MACROD2: variants seen among roughly 807,000 people sequenced by gnomAD.
MACROD2 encodes the protein ADP-ribose glycohydrolase MACROD2.
MACROD2 carries 36 observed loss-of-function variants against 70.4 expected under a neutral mutation model. That is an observed-to-expected ratio of 0.51 (90% CI 0.39 to 0.68). MACROD2 has a LOEUF of 0.68. MACROD2 is among the 30% of genes least tolerant of loss of function. The pLI is 0.00. For synonymous variants in MACROD2, 172 were observed against 178.8 expected (o/e 0.96, Z 0.30); for missense variants, 496 against 538.4 (o/e 0.92, Z 0.78).
intron 5 of MACROD2, among the ~76,000 whole-genome samples, chr20:14,702,916 C>T (rs933181502): frequency 7.9e-5 from 12 of 151,134 alleles, no homozygotes; most frequent in African/African-American, 1.7e-4. Context: ...TTAGTAGAGA[C>T]GGGATTTCAC....
intron 5 of MACROD2, among the ~76,000 whole-genome samples, chr20:14,687,456 G>T (rs969292647): frequency 6.6e-6 from 1 of 152,144 alleles, no homozygotes; most frequent in Admixed American, 6.5e-5. Context: ...TTGAAGACTT[G>T]CACAATACCA....
intron 3 of MACROD2, among the ~76,000 whole-genome samples, chr20:14,429,621 T>C (rs1419374427): frequency 6.6e-6 from 1 of 152,182 alleles, no homozygotes; most frequent in Non-Finnish European, 1.5e-5. Flanking sequence ...TAGCTGTGGA[T>C]GGTTCTTGGC....
Position 15,005,076 on chromosome 20 carries a change from G to A in MACROD2, c.419-224864G>A, listed in dbSNP as rs528174662. On this transcript the variant is annotated intron_variant, in intron 5 of 17. Coordinates refer to ENST00000684519, the MANE Select transcript of MACROD2 (RefSeq NM_001351661.2). ...GATATGAATGATGTAATGAAGTATC[G>A]GTTGAACTAATGAGATGGGAAGCTA... is the stretch of plus-strand genomic sequence containing the variant. 9.2e-5 allele frequency among the ~76,000 whole-genome samples: 14 copies of A among 152,216 alleles called. No homozygotes were observed. The East Asian group carries it at 1.4e-3, about 15-fold the overall frequency.
chr20:14,237,644 A>G (rs1258349326), intron 3 of MACROD2, among the ~76,000 whole-genome samples: 1 of 151,492 alleles, frequency 6.6e-6, no homozygotes, highest in Non-Finnish European at 1.5e-5. Context: ...TGCACCCATT[A>G]ACTTGTCATT....
At chr20:15,601,451 C>T (rs764454038) in intron 8 of MACROD2, among the ~76,000 whole-genome samples, 1 of 151,376 alleles carries the variant, frequency 6.6e-6, no homozygotes, top group African/African-American at 2.5e-5. Flanking sequence ...TTTAAGTTCA[C>T]ACCTTCATGC....
At chr20:14,448,780 C>T (rs541577809) in intron 3 of MACROD2, among the ~76,000 whole-genome samples, 6 of 139,660 alleles carry the variant, frequency 4.3e-5, no homozygotes, top group East Asian at 2.0e-4. Context: ...TCATGCAGTG[C>T]GTTGATTGTG....
intron 8 of MACROD2, among the ~76,000 whole-genome samples, chr20:15,755,804 C>T (rs764100378): frequency 2.0e-5 from 3 of 152,190 alleles, no homozygotes; most frequent in Non-Finnish European, 4.4e-5. Flanking sequence ...CATCAGTCAA[C>T]ATGTCTTCCT....
intron 2 of MACROD2, among the ~76,000 whole-genome samples, chr20:14,071,038 G>A (rs755246213): frequency 6.6e-6 from 1 of 152,172 alleles, no homozygotes; most frequent in African/African-American, 2.4e-5. Context: ...TCAGTACCTG[G>A]TGATGATCCC....
chr20:14,771,269 G>C (rs1388720803), intron 5 of MACROD2, among the ~76,000 whole-genome samples: 1 of 152,030 alleles, frequency 6.6e-6, no homozygotes, highest in Non-Finnish European at 1.5e-5. Context: ...GTAAATGGCA[G>C]ATGGAGTTTT....
chr20:14,518,940 A>G (rs527271996), intron 4 of MACROD2, among the ~76,000 whole-genome samples: 1 of 152,340 alleles, frequency 6.6e-6, no homozygotes, highest in African/African-American at 2.4e-5. Flanking sequence ...TGACATTATG[A>G]AAGCAGAGAA....
At chr20:14,358,283 G>T (rs1429035177) in intron 3 of MACROD2, among the ~76,000 whole-genome samples, 1 of 152,148 alleles carries the variant, frequency 6.6e-6, no homozygotes, top group South Asian at 2.1e-4. Flanking sequence ...AACCTCTCAA[G>T]TAGATTAACT....
intron 6 of MACROD2, among the ~76,000 whole-genome samples, chr20:15,285,452 A>G (rs947845515): frequency 1.3e-5 from 2 of 152,206 alleles, no homozygotes; most frequent in South Asian, 2.1e-4. Context: ...TGCTAGTTCT[A>G]TCAGTGAGTT....
At chr20:15,659,524 C>G (rs1319065484) in intron 8 of MACROD2, among the ~76,000 whole-genome samples, 1 of 151,946 alleles carries the variant, frequency 6.6e-6, no homozygotes, top group East Asian at 1.9e-4. Context: ...GTCGTCTTGA[C>G]CACCTAGAAT....
intron 5 of MACROD2, among the ~76,000 whole-genome samples, chr20:14,960,194 C>T (rs2074571106): frequency 6.6e-6 from 1 of 152,192 alleles, no homozygotes; most frequent in Admixed American, 6.5e-5. Flanking sequence ...TTTGGCTCTT[C>T]TCCACACCCT....
chr20:15,549,716 C>T (rs1310998348), intron 8 of MACROD2, among the ~76,000 whole-genome samples: 2 of 152,144 alleles, frequency 1.3e-5, no homozygotes, highest in Non-Finnish European at 2.9e-5. Flanking sequence ...GTCGTCATAT[C>T]CTATAATCGA....
At chr20:15,297,687 C>A (rs2077603594) in intron 6 of MACROD2, among the ~76,000 whole-genome samples, 1 of 152,170 alleles carries the variant, frequency 6.6e-6, no homozygotes, top group Non-Finnish European at 1.5e-5. Context: ...CATAAGAGAA[C>A]AATTTCCTAC....
intron 2 of MACROD2, among the ~76,000 whole-genome samples, chr20:14,022,760 C>T (rs981341220): frequency 1.3e-5 from 2 of 152,246 alleles, no homozygotes; most frequent in East Asian, 3.9e-4. Flanking sequence ...CATGTCCCGG[C>T]AAAAGAGATG....
chr20:14,030,298 A>G (rs1373621003), intron 2 of MACROD2, among the ~76,000 whole-genome samples: 1 of 152,004 alleles, frequency 6.6e-6, no homozygotes, highest in Non-Finnish European at 1.5e-5. Context: ...TCAGCCTCCC[A>G]GTGTGCTGGG....
intron 8 of MACROD2, among the ~76,000 whole-genome samples, chr20:15,855,500 C>T (rs1302167133): frequency 6.6e-6 from 1 of 152,086 alleles, no homozygotes; most frequent in African/African-American, 2.4e-5. Context: ...ACCAAGAGAG[C>T]TGTAACATAG....
Sources: gnomAD v4.1 joint callset for allele counts (sites outside exome capture counted in the v4.1 genomes callset) on GRCh38, gnomAD v4.1.1 for gene constraint, MANE v1.5 for transcripts, NCBI Gene and HGNC (gene_info 2026-07-23, HGNC 2026-07-21) for gene names.